The following CACNA1I variants were observed in gnomAD, a reference collection of about 807,000 sequenced individuals.
The protein encoded by CACNA1I is calcium voltage-gated channel subunit alpha1 I.
Under a neutral mutation model 201.6 loss-of-function variants are expected in CACNA1I, and 74 were observed. That is an observed-to-expected ratio of 0.37 (90% CI 0.30 to 0.45). CACNA1I has a LOEUF of 0.45. Ranked by LOEUF, CACNA1I falls within the 20% of genes least tolerant of loss-of-function variation. The pLI is 1.00. For missense variants in CACNA1I, 2,346 were observed against 3,138.1 expected, an observed-to-expected ratio of 0.75 and a Z score of 6.03; for synonymous variants, 1,431 against 1,345.2, an observed-to-expected ratio of 1.06 and a Z score of -1.40.
At chr22:39,586,599 C>T (rs1292744389) in intron 1 of CACNA1I, among the ~76,000 whole-genome samples, 3 of 152,174 alleles carry the variant, frequency 2.0e-5, no homozygotes, top group African/African-American at 7.2e-5. Context: ...GTCAGTCATG[C>T]CCAGTGCTGC....
chr22:39,661,082 C>G (rs1458887383), intron 15 of CACNA1I, 26 bp from the exon 16 acceptor site: 8 of 1,586,036 alleles, frequency 5.0e-6, no homozygotes, highest in Non-Finnish European at 6.1e-6. Context: ...TCTGTCCCTC[C>G]CTCTGTCTCC....
intron 1 of CACNA1I, among the ~76,000 whole-genome samples, chr22:39,592,662 C>T (rs539108652): frequency 1.3e-5 from 2 of 152,348 alleles, no homozygotes; most frequent in East Asian, 3.9e-4. Flanking sequence ...GGCACTAGCA[C>T]TCCAGCCCTG....
intron 20 of CACNA1I, 57 bp downstream of exon 20, chr22:39,664,216 G>A: frequency 7.0e-7 from 1 of 1,421,952 alleles, no homozygotes; most frequent in South Asian, 1.2e-5. Flanking sequence ...CCCTGGCCCT[G>A]GGTCAGCCCC....
intron 7 of CACNA1I, among the ~76,000 whole-genome samples, chr22:39,646,298 G>A (rs979632930): frequency 1.3e-5 from 2 of 151,640 alleles, no homozygotes; most frequent in African/African-American, 2.4e-5. Context: ...TTCTGAGCCC[G>A]TCTTACTCTC....
At chr22:39,678,157 G>T in intron 31 of CACNA1I, 49 bp downstream of exon 31, 2 of 1,587,344 alleles carry the variant, frequency 1.3e-6, no homozygotes, top group Admixed American at 1.7e-5. Context: ...TGCTGGGACA[G>T]TGAGGATGCT....
Position 39,685,530 on chromosome 22 carries a change from C to G in CACNA1I, c.6028-231C>G, listed in dbSNP as rs1234212294. ...CCTTCTGTGACGGGCAGGGCCGGGT[C>G]TGACCTGGGTTTGAGGCGGATGCTA... On this transcript the variant is annotated intron_variant, in intron 36 of 36. Transcript: ENST00000402142. The surrounding 1 kb of genome is among the most constrained non-coding windows in gnomAD (Gnocchi z 5.0). 4.0e-5 allele frequency among the ~76,000 whole-genome samples: 6 copies of G among 151,762 alleles called. No individual in the cohort carries two copies. Among genetic ancestry groups the G allele is most frequent in the Non-Finnish European group, 7.4e-5 (5 of 67,904 alleles).
rs746966765 is a variant in CACNA1I at position 39,684,405 on chromosome 22, G to C, written c.5934G>C (p.Lys1978Asn). 9 of 1,613,638 alleles carry C rather than the reference G, an allele frequency of 5.6e-6. 1 individual carries two copies. In the South Asian group the frequency reaches 9.9e-5, roughly 18 times the overall value. Residue 1978 changes from lysine (K) to asparagine (N), a missense_variant, in exon 36 of 37, where the codon AAG becomes AAC. Lys to Asn is a moderately conservative substitution (Grantham distance 94). Around this residue, in one of 13 missense-constraint regions of CACNA1I, gnomAD observed 441 missense variants for 555.6 expected, o/e 0.79. Coordinates refer to ENST00000402142, the MANE Select transcript of CACNA1I (RefSeq NM_021096.4). The surrounding 1 kb of genome is among the most constrained non-coding windows in gnomAD (Gnocchi z 4.6). ...AVSASQKGPE[K>N]GTGTGTLPKI... The stretch of plus-strand genomic sequence containing the variant: ...CTGCCAGCCAGAAAGGCCCAGAAAA[G>C]GGCACTGGCACTGGAACCCTCCCCA...
Position 39,664,828 on chromosome 22 carries a change from C to T in CACNA1I, c.3756C>T (p.Ile1252=). 1 of 1,613,096 alleles carries T rather than the reference C, an allele frequency of 6.2e-7. No individual in the cohort carries two copies. Among genetic ancestry groups the T allele is most frequent in the Non-Finnish European group, 8.5e-7 (1 of 1,179,724 alleles). Residue 1252 remains isoleucine, a synonymous_variant, in exon 21 of 37, where the codon ATC becomes ATT. Coordinates refer to ENST00000402142, the MANE Select transcript of CACNA1I (RefSeq NM_021096.4). Reference sequence around the variant, plus strand: ...ATGGCTTTCTTGTCTTCGTGTCCATCATCGACATCGTGGTGTCCCTGGCCT... The same window carrying T: ...ATGGCTTTCTTGTCTTCGTGTCCATTATCGACATCGTGGTGTCCCTGGCCT... ...VLDGFLVFVS[I]IDIVVSLASA... is the part of the protein sequence containing the mutation.
At chr22:39,609,810 C>T (rs1452059525) in intron 3 of CACNA1I, among the ~76,000 whole-genome samples, 1 of 152,254 alleles carries the variant, frequency 6.6e-6, no homozygotes, top group Non-Finnish European at 1.5e-5. Context: ...CATTCCTCTC[C>T]TTGAGCCTCA....
intron 27 of CACNA1I, 42 bp from the exon 28 acceptor site, chr22:39,672,907 C>T (rs771637509): frequency 3.8e-6 from 6 of 1,584,246 alleles, no homozygotes; most frequent in Non-Finnish European, 5.2e-6. Flanking sequence ...CAGAGGGATC[C>T]TCCTCATGCC....
Position 39,666,527 on chromosome 22 carries a change from T to C in CACNA1I, c.4104+521T>C, listed in dbSNP as rs1239780062. Among the ~76,000 whole-genome samples, 2 of 152,216 alleles carry C rather than the reference T, an allele frequency of 1.3e-5. No individual in the cohort carries two copies. The highest frequency in any genetic ancestry group is 4.8e-5 in the African/African-American group (2 of 41,458). Reference sequence around the variant, plus strand: ...AGGCAGACCCCTGCCTGGTGTCTGCTTTCCCCTTGGTCTCCTCTCCTGAGG... The same window carrying C: ...AGGCAGACCCCTGCCTGGTGTCTGCCTTCCCCTTGGTCTCCTCTCCTGAGG... On this transcript the variant is annotated intron_variant, in intron 23 of 36. Transcript: ENST00000402142. The surrounding 1 kb of genome is among the most constrained non-coding windows in gnomAD (Gnocchi z 4.1).
chr22:39,595,773 C>T (rs977041461), intron 1 of CACNA1I, among the ~76,000 whole-genome samples: 6 of 152,046 alleles, frequency 3.9e-5, no homozygotes, highest in East Asian at 1.9e-4. Flanking sequence ...GTAACTGACA[C>T]GGCAGATAAT....
Position 39,665,485 on chromosome 22 carries a change from T to C in CACNA1I, c.3852-13T>C. Reference sequence around the variant, plus strand: ...CAAGGGATTATGTGTGCCTGGCCTCTCCCTGCCGTCAGTGTCATCAGCCGG... The same window carrying C: ...CAAGGGATTATGTGTGCCTGGCCTCCCCCTGCCGTCAGTGTCATCAGCCGG... On this transcript the variant is annotated splice_polypyrimidine_tract_variant and intron_variant, in intron 21 of 36. Transcript: ENST00000402142. The surrounding 1 kb of genome is among the most constrained non-coding windows in gnomAD (Gnocchi z 5.5). The C allele has an allele frequency of 6.2e-7, 1 of 1,613,348 alleles. No individual in the cohort carries two copies. Among genetic ancestry groups the C allele is most frequent in the Non-Finnish European group, 8.5e-7 (1 of 1,179,670 alleles).
chr22:39,664,765 C>T lies in CACNA1I; in HGVS notation c.3693C>T (p.Gly1231=), dbSNP rs370752369. 184 of 1,515,384 alleles carry T rather than the reference C, an allele frequency of 1.2e-4. No individual in the cohort carries two copies. Among genetic ancestry groups the T allele is most frequent in the Non-Finnish European group, 1.5e-4 (171 of 1,122,780 alleles). 93.9% of individuals were successfully genotyped at this position (1,515,384 alleles called of 1,614,324 possible). ...TAGTCTCGCTGGGCCTGTACTTCGG[C>T]GAGCAGGCGTACCTACGCAGCAGCT... ...LKVVSLGLYF[G]EQAYLRSSWN... The change falls in exon 21 of 37, where the codon GGC becomes GGT. Residue 1231 remains glycine, a synonymous_variant. Coordinates refer to ENST00000402142, the MANE Select transcript of CACNA1I (RefSeq NM_021096.4).
intron 1 of CACNA1I, among the ~76,000 whole-genome samples, chr22:39,575,780 A>AT (rs67493157): frequency 0.021 from 3,031 of 144,518 alleles, 93 homozygotes; most frequent in African/African-American, 0.072. Context: ...CTTTTCTTTC[A>AT]TTTTTTTTTT....
At chr22:39,610,063 C>A (rs1270615189) in intron 3 of CACNA1I, among the ~76,000 whole-genome samples, 4 of 152,232 alleles carry the variant, frequency 2.6e-5, no homozygotes, top group African/African-American at 9.6e-5. Flanking sequence ...GGCCTTCCTG[C>A]ACAACTCTGT....
chr22:39,606,733 T>C (rs1933231997), intron 3 of CACNA1I, among the ~76,000 whole-genome samples: 1 of 152,214 alleles, frequency 6.6e-6, no homozygotes, highest in African/African-American at 2.4e-5. Flanking sequence ...GGTTTCACCA[T>C]GTTGGCCAGA....
At chr22:39,612,957 T>A (rs890885496) in intron 3 of CACNA1I, among the ~76,000 whole-genome samples, 1 of 152,220 alleles carries the variant, frequency 6.6e-6, no homozygotes, top group African/African-American at 2.4e-5. Flanking sequence ...ATCACAGAGC[T>A]GCCTCCTGAC....
At chr22:39,675,171 C>T (rs1405471405) in intron 29 of CACNA1I, among the ~76,000 whole-genome samples, 1 of 152,248 alleles carries the variant, frequency 6.6e-6, no homozygotes, top group South Asian at 2.1e-4. Context: ...CTTTTCGTGC[C>T]TCAGTTTCCT....
Sources: gnomAD v4.1 joint callset for allele counts (sites outside exome capture counted in the v4.1 genomes callset) on GRCh38, gnomAD v4.1.1 for gene constraint, gnomAD v4.1.1 regional missense constraint, Gnocchi (gnomAD v3.1) non-coding constraint, MANE v1.5 for transcripts, NCBI Gene and HGNC (gene_info 2026-07-23, HGNC 2026-07-21) for gene names.